TMEM108: variants seen among roughly 807,000 people sequenced by gnomAD.
TMEM108 encodes cancer/testis antigen 124.
TMEM108 carries 12 observed loss-of-function variants against 35.1 expected under a neutral mutation model. The observed-to-expected ratio is 0.34, with a 90% CI of 0.22 to 0.55. TMEM108 has a LOEUF of 0.55. Among genes scored for constraint, TMEM108 ranks in the 20% least tolerant of loss-of-function variants. The pLI is 0.89. For missense variants in TMEM108, 680 were observed against 753.3 expected, an observed-to-expected ratio of 0.90 and a Z score of 1.14; for synonymous variants, 287 against 308.6, an observed-to-expected ratio of 0.93 and a Z score of 0.73.
chr3:133,224,348 T>C (rs985294058), intron 2 of TMEM108, among the ~76,000 whole-genome samples: 3 of 152,160 alleles, frequency 2.0e-5, no homozygotes, highest in Admixed American at 2.0e-4. Flanking sequence ...CAAGGCTGTT[T>C]TGTGTCAGAC....
At chr3:133,382,620 T>C (rs527668210) in intron 4 of TMEM108, among the ~76,000 whole-genome samples, 2 of 152,218 alleles carry the variant, frequency 1.3e-5, no homozygotes, top group Non-Finnish European at 2.9e-5. Flanking sequence ...GCTCTGCTGG[T>C]TGTATTGGCT....
At chr3:133,160,779 A>T (rs1944950253) in intron 2 of TMEM108, among the ~76,000 whole-genome samples, 1 of 152,170 alleles carries the variant, frequency 6.6e-6, no homozygotes, top group Admixed American at 6.5e-5. Context: ...CTTCTTATGT[A>T]TCTGGTATCT....
At chr3:133,366,570 C>T (rs1380665843) in intron 3 of TMEM108, among the ~76,000 whole-genome samples, 2 of 152,296 alleles carry the variant, frequency 1.3e-5, no homozygotes, top group East Asian at 1.9e-4. Context: ...TTGTTCTCTC[C>T]TTGTTCTTTG....
chr3:133,273,501 C>T (rs1027925612), intron 3 of TMEM108, among the ~76,000 whole-genome samples: 3 of 152,184 alleles, frequency 2.0e-5, no homozygotes, highest in African/African-American at 7.2e-5. Flanking sequence ...AGTAAGTACT[C>T]AGCAGGACTG....
intron 2 of TMEM108, among the ~76,000 whole-genome samples, chr3:133,058,797 G>A (rs1003878921): frequency 3.9e-5 from 6 of 152,330 alleles, no homozygotes; most frequent in Non-Finnish European, 8.8e-5. Context: ...GCCTCTACAG[G>A]CATGGATCCT....
intron 2 of TMEM108, among the ~76,000 whole-genome samples, chr3:133,073,534 A>ATATATC: frequency 7.5e-6 from 1 of 133,764 alleles, no homozygotes; most frequent in East Asian, 2.1e-4. Context: ...ATATATATAT[A>ATATATC]TCACATTTTC....
intron 3 of TMEM108, among the ~76,000 whole-genome samples, chr3:133,302,460 G>A (rs538491137): frequency 2.0e-4 from 23 of 116,674 alleles, no homozygotes; most frequent in Admixed American, 1.4e-3. Flanking sequence ...TTGCTCTGTC[G>A]CCCAGGCTGG....
intron 3 of TMEM108, among the ~76,000 whole-genome samples, chr3:133,303,010 T>TA (rs1044142481): frequency 2.6e-5 from 4 of 152,184 alleles, no homozygotes; most frequent in African/African-American, 9.7e-5. Context: ...GATGGGTTCT[T>TA]AAACCCATCT....
intron 3 of TMEM108, among the ~76,000 whole-genome samples, chr3:133,263,343 C>T (rs970509893): frequency 8.5e-5 from 13 of 152,190 alleles, no homozygotes; most frequent in African/African-American, 2.9e-4. Context: ...CCTTTAAAAG[C>T]TCCATCAATT....
At chr3:133,264,994 G>A (rs1576420906) in intron 3 of TMEM108, among the ~76,000 whole-genome samples, 1 of 152,174 alleles carries the variant, frequency 6.6e-6, no homozygotes, top group Non-Finnish European at 1.5e-5. Flanking sequence ...GCAGCAGTCC[G>A]GAGGTCAGGA....
At chr3:133,348,920 A>G in intron 3 of TMEM108, among the ~76,000 whole-genome samples, 1 of 152,200 alleles carries the variant, frequency 6.6e-6, no homozygotes, top group East Asian at 1.9e-4. Context: ...CAAAAACAAA[A>G]CAAAACTCCA....
At chr3:133,220,282 ATT>A (rs113884324) in intron 2 of TMEM108, among the ~76,000 whole-genome samples, 4 of 147,602 alleles carry the variant, frequency 2.7e-5, no homozygotes, top group African/African-American at 9.9e-5. Flanking sequence ...TCATCCAGTC[ATT>A]TTTTTTTTAA....
rs538417975 is a variant in TMEM108 at position 133,177,849 on chromosome 3, A to G, written c.-46-51417A>G. Among the ~76,000 whole-genome samples the G allele has an allele frequency of 6.2e-3, 940 of 152,234 alleles. 12 individuals are homozygous for G. Among genetic ancestry groups the G allele is most frequent in the African/African-American group, 0.02 (842 of 41,540 alleles). ...AGGAGAAGGAAATAAAGGGTATTCA[A>G]TTAGGAAAAGAGGAAGTCAAATTGT... On this transcript the variant is annotated intron_variant, in intron 2 of 5. Coordinates refer to ENST00000321871, the MANE Select transcript of TMEM108 (RefSeq NM_023943.4).
intron 2 of TMEM108, among the ~76,000 whole-genome samples, chr3:133,170,915 G>GT (rs1559855429): frequency 6.6e-6 from 1 of 152,150 alleles, no homozygotes. Context: ...GTTAAACCCC[G>GT]TATCACCCAG....
chr3:133,381,201 A>G (rs1200412813), intron 4 of TMEM108, 40 bp downstream of exon 4: 2 of 1,533,632 alleles, frequency 1.3e-6, no homozygotes, highest in African/African-American at 2.8e-5. Context: ...TCCCTCTACC[A>G]CATCACTGGC....
intron 2 of TMEM108, among the ~76,000 whole-genome samples, chr3:133,209,843 G>C (rs989476236): frequency 2.6e-5 from 4 of 152,068 alleles, no homozygotes; most frequent in African/African-American, 7.2e-5. Context: ...CTCATAGTCT[G>C]GGGGTGGCTT....
chr3:133,065,300 A>ACACG (rs1943582843), intron 2 of TMEM108, among the ~76,000 whole-genome samples: 1 of 152,106 alleles, frequency 6.6e-6, no homozygotes, highest in Admixed American at 6.6e-5. Context: ...ACACACACAC[A>ACACG]CACGCACATG....
At chr3:133,308,004 C>T (rs1473927029) in intron 3 of TMEM108, among the ~76,000 whole-genome samples, 1 of 152,066 alleles carries the variant, frequency 6.6e-6, no homozygotes, top group Non-Finnish European at 1.5e-5. Context: ...ATGGAATCTT[C>T]TTCCATTTGT....
intron 2 of TMEM108, among the ~76,000 whole-genome samples, chr3:133,180,768 T>G (rs1011959492): frequency 2.6e-5 from 4 of 152,040 alleles, no homozygotes; most frequent in Non-Finnish European, 5.9e-5. Context: ...AGCCCAGAAT[T>G]CAACATTTAT....
Sources: gnomAD v4.1 joint callset for allele counts (sites outside exome capture counted in the v4.1 genomes callset) on GRCh38, gnomAD v4.1.1 for gene constraint, MANE v1.5 for transcripts, NCBI Gene and HGNC (gene_info 2026-07-23, HGNC 2026-07-21) for gene names.